EBF1: variants seen among roughly 807,000 people sequenced by gnomAD.
The protein encoded by EBF1 is EBF transcription factor 1.
In EBF1, 10 loss-of-function variants were observed where a neutral mutation model predicts 68.4. The observed-to-expected ratio is 0.15, with a 90% CI of 0.09 to 0.25. The LOEUF is 0.25. Among genes scored for constraint, EBF1 ranks in the 10% least tolerant of loss-of-function variants. The pLI is 1.00. For missense variants in EBF1, 509 were observed against 794.4 expected, an observed-to-expected ratio of 0.64 and a Z score of 4.32; for synonymous variants, 298 against 299.8, an observed-to-expected ratio of 0.99 and a Z score of 0.06.
intron 6 of EBF1, among the ~76,000 whole-genome samples, chr5:158,898,403 G>C (rs908191134): frequency 6.6e-6 from 1 of 152,160 alleles, no homozygotes; most frequent in Non-Finnish European, 1.5e-5. Flanking sequence ...ATGTGCCCAA[G>C]TCCCTGAAGC....
chr5:158,819,871 CGATCTATAGCATGCCAG>C (rs954365848), intron 8 of EBF1, among the ~76,000 whole-genome samples: 2 of 152,118 alleles, frequency 1.3e-5, no homozygotes, highest in African/African-American at 4.8e-5. Flanking sequence ...CCATTTTCCA[CGATCTATAGCATGCCAG>C]GATTCACTAT....
chr5:158,944,277 T>A (rs1814162394), intron 6 of EBF1, among the ~76,000 whole-genome samples: 1 of 152,138 alleles, frequency 6.6e-6, no homozygotes, highest in Admixed American at 6.5e-5. Flanking sequence ...GCCCATATAT[T>A]CTCATTGTTC....
intron 6 of EBF1, among the ~76,000 whole-genome samples, chr5:158,999,418 G>C (rs574353359): frequency 6.6e-6 from 1 of 152,316 alleles, no homozygotes; most frequent in African/African-American, 2.4e-5. Context: ...TAAAGGATCT[G>C]TCTTCAAATC....
At chr5:158,975,514 G>A (rs1029952332) in intron 6 of EBF1, among the ~76,000 whole-genome samples, 1 of 152,068 alleles carries the variant, frequency 6.6e-6, no homozygotes, top group Non-Finnish European at 1.5e-5. Context: ...AAAAGGAGTT[G>A]GGAGTGAAAT....
chr5:158,870,599 C>A (rs1295402536), intron 6 of EBF1, among the ~76,000 whole-genome samples: 1 of 151,972 alleles, frequency 6.6e-6, no homozygotes, highest in African/African-American at 2.4e-5. Flanking sequence ...TCACCTGAGC[C>A]CAAGAGGTCA....
chr5:158,848,690 C>T (rs1792014477), intron 6 of EBF1, among the ~76,000 whole-genome samples: 1 of 152,118 alleles, frequency 6.6e-6, no homozygotes, highest in African/African-American at 2.4e-5. Flanking sequence ...GACAGAAAGC[C>T]AGGGGTTGAA....
intron 6 of EBF1, among the ~76,000 whole-genome samples, chr5:158,851,366 AGGAAAGGGAAG>A (rs1167565559): frequency 9.2e-6 from 1 of 109,000 alleles, no homozygotes; most frequent in African/African-American, 3.6e-5. Flanking sequence ...AAAGGGAAGA[AGGAAAGGGAAG>A]GGAAGGGGAA....
intron 6 of EBF1, among the ~76,000 whole-genome samples, chr5:158,904,368 A>C (rs1804100902): frequency 6.6e-6 from 1 of 152,162 alleles, no homozygotes; most frequent in Non-Finnish European, 1.5e-5. Flanking sequence ...TCAGGACTAA[A>C]TGCCATTCAT....
chr5:158,731,466 A>G (rs1465169035), intron 10 of EBF1, among the ~76,000 whole-genome samples: 1 of 152,238 alleles, frequency 6.6e-6, no homozygotes, highest in Non-Finnish European at 1.5e-5. Flanking sequence ...TGAGGTTTTT[A>G]GTATCCACTT....
chr5:158,705,446 C>T (rs1561681560), intron 15 of EBF1, among the ~76,000 whole-genome samples: 1 of 152,206 alleles, frequency 6.6e-6, no homozygotes. Flanking sequence ...TCAAACCTCC[C>T]ACACTGTGGC....
intron 6 of EBF1, among the ~76,000 whole-genome samples, chr5:159,023,530 G>T (rs1767135915): frequency 6.6e-6 from 1 of 152,138 alleles, no homozygotes; most frequent in African/African-American, 2.4e-5. Flanking sequence ...ACATCTCCAA[G>T]GAGTGAAGCC....
At chr5:159,096,949 G>T in intron 2 of EBF1, 25 bp downstream of exon 2, 1 of 1,611,114 alleles carries the variant, frequency 6.2e-7, no homozygotes. Flanking sequence ...CGGGGACGAG[G>T]GGCGACAGCG....
rs191886558 is a variant in EBF1, at chr5:158,936,775, T to C, written c.555-96665A>G. ...CCCTGTAACCTTAATCTTGTTGATC[T>C]TCCACTTCCCCCAGTATGAGCCATA... On this transcript the variant is annotated intron_variant, in intron 6 of 15. Transcript: ENST00000313708. Among the ~76,000 whole-genome samples the C allele has an allele frequency of 3.8e-3, 573 of 152,314 alleles. 2 individuals carry two copies. Among genetic ancestry groups the C allele is most frequent in the African/African-American group, 0.012 (514 of 41,570 alleles).
intron 6 of EBF1, among the ~76,000 whole-genome samples, chr5:158,988,737 A>G (rs1265658848): frequency 6.6e-6 from 1 of 152,218 alleles, no homozygotes; most frequent in East Asian, 1.9e-4. Flanking sequence ...CAAGAAGTGC[A>G]TAGCCTGTTC....
chr5:158,949,062 C>T (rs1815448672), intron 6 of EBF1, among the ~76,000 whole-genome samples: 1 of 152,176 alleles, frequency 6.6e-6, no homozygotes, highest in Non-Finnish European at 1.5e-5. Flanking sequence ...TTTCAAGGCC[C>T]TTCCTTTTTT....
chr5:158,737,429 G>A (rs1174903009), intron 10 of EBF1, among the ~76,000 whole-genome samples: 1 of 151,272 alleles, frequency 6.6e-6, no homozygotes, highest in Non-Finnish European at 1.5e-5. Flanking sequence ...GACTACAGGC[G>A]CCCACCACCA....
At chr5:158,765,059 A>G (rs1365337200) in intron 10 of EBF1, among the ~76,000 whole-genome samples, 4 of 152,182 alleles carry the variant, frequency 2.6e-5, no homozygotes, top group Non-Finnish European at 5.9e-5. Flanking sequence ...TGAAGAAGAG[A>G]CACATAGTGT....
At chr5:158,704,102 T>C (rs1757342181) in intron 15 of EBF1, among the ~76,000 whole-genome samples, 1 of 152,208 alleles carries the variant, frequency 6.6e-6, no homozygotes, top group African/African-American at 2.4e-5. Context: ...GTTGTGTAAA[T>C]GGGGACAAGC....
intron 10 of EBF1, among the ~76,000 whole-genome samples, chr5:158,745,933 C>T (rs1767461498): frequency 6.6e-6 from 1 of 152,150 alleles, no homozygotes; most frequent in Non-Finnish European, 1.5e-5. Context: ...TCCTAATTCC[C>T]ATGGAATAAT....
Sources: allele counts gnomAD v4.1 joint callset (sites outside exome capture counted in the v4.1 genomes callset), GRCh38; gene constraint gnomAD v4.1.1; transcripts MANE v1.5; gene names NCBI Gene and HGNC (gene_info 2026-07-23, HGNC 2026-07-21).